SUPT3H: variants seen among roughly 807,000 people sequenced by gnomAD.
SUPT3H encodes SPT3 homolog, SAGA and STAGA complex component, also known as transcription initiation protein SPT3 homolog.
A neutral mutation model predicts 44.3 loss-of-function variants in SUPT3H; 44 were observed. That is an observed-to-expected ratio of 0.99 (90% CI 0.78 to 1.28). SUPT3H has a LOEUF of 1.28. SUPT3H is among the 50% of genes most tolerant of loss of function. The pLI is 0.00. For missense variants in SUPT3H, 380 were observed against 387.1 expected (o/e 0.98, Z 0.15); for synonymous variants, 124 against 125.6 (o/e 0.99, Z 0.09).
At chr6:45,020,688 C>T (rs1785003515) in intron 3 of SUPT3H, 56 bp from the exon 4 acceptor site, 3 of 1,262,340 alleles carry the variant, frequency 2.4e-6, no homozygotes, top group African/African-American at 1.5e-5. Context: ...ATATATAGTA[C>T]AGTCATGATG....
intron 2 of SUPT3H, among the ~76,000 whole-genome samples, chr6:45,245,982 G>A (rs1407624317): frequency 6.6e-6 from 1 of 152,024 alleles, no homozygotes; most frequent in Admixed American, 6.6e-5. Context: ...GTATGAAATG[G>A]TAACTCATTG....
chr6:45,313,263 A>C (rs1015810001), intron 2 of SUPT3H, among the ~76,000 whole-genome samples: 2 of 152,138 alleles, frequency 1.3e-5, no homozygotes, highest in African/African-American at 4.8e-5. Flanking sequence ...AACCAAACCC[A>C]GTAGAAGAAA....
intron 2 of SUPT3H, among the ~76,000 whole-genome samples, chr6:45,285,025 T>A (rs1778966267): frequency 6.6e-6 from 1 of 151,996 alleles, no homozygotes; most frequent in African/African-American, 2.4e-5. Context: ...AGAAAAGGCC[T>A]CTGAGAAAAT....
chr6:45,180,053 A>T (rs567975532), intron 2 of SUPT3H, among the ~76,000 whole-genome samples: 119 of 151,098 alleles, frequency 7.9e-4, no homozygotes, highest in African/African-American at 2.8e-3. Context: ...AAAAATCACA[A>T]GCATTCTTAT....
chr6:45,357,200 G>T (rs1581864246), intron 2 of SUPT3H, among the ~76,000 whole-genome samples: 1 of 151,914 alleles, frequency 6.6e-6, no homozygotes, highest in Non-Finnish European at 1.5e-5. Flanking sequence ...GTAGAGACGG[G>T]GTTTCACCAT....
intron 2 of SUPT3H, among the ~76,000 whole-genome samples, chr6:45,293,517 C>A (rs1025654383): frequency 1.1e-4 from 17 of 147,858 alleles, no homozygotes; most frequent in South Asian, 4.3e-4. Flanking sequence ...CTGAAACAAT[C>A]AAAAAAAAAA....
chr6:44,969,854 T>A (rs943859553), intron 6 of SUPT3H, among the ~76,000 whole-genome samples: 1 of 152,214 alleles, frequency 6.6e-6, no homozygotes, highest in Non-Finnish European at 1.5e-5. Context: ...CAATTTTACA[T>A]GTCCAAGGTA....
chr6:45,035,267 A>G (rs1332139526), intron 3 of SUPT3H, among the ~76,000 whole-genome samples: 1 of 152,158 alleles, frequency 6.6e-6, no homozygotes, highest in Non-Finnish European at 1.5e-5. Flanking sequence ...GTGCTAGGTA[A>G]CTGATGTCTC....
chr6:44,903,297 GAAGAAAA>G (rs1765418710), intron 10 of SUPT3H, among the ~76,000 whole-genome samples: 1 of 152,064 alleles, frequency 6.6e-6, no homozygotes, highest in African/African-American at 2.4e-5. Flanking sequence ...GACTAATAAA[GAAGAAAA>G]GAGAGAAGAA....
intron 2 of SUPT3H, among the ~76,000 whole-genome samples, chr6:45,226,056 G>A (rs1325126372): frequency 2.6e-5 from 4 of 152,112 alleles, no homozygotes; most frequent in African/African-American, 9.7e-5. Context: ...GTAAGAATAA[G>A]TCATACATTA....
At chr6:45,199,144 T>C (rs868546173) in intron 2 of SUPT3H, among the ~76,000 whole-genome samples, 8 of 151,238 alleles carry the variant, frequency 5.3e-5, no homozygotes, top group South Asian at 4.1e-4. Flanking sequence ...TCAAAGACAA[T>C]AAAATACACC....
In SUPT3H at chr6:44,979,542, T is replaced by TC. The variant is rs1554193309; in HGVS notation, c.505-17715_505-17714insG. Among the ~76,000 whole-genome samples the TC allele has an allele frequency of 2.7e-3, 413 of 151,726 alleles. 1 individual carries two copies. Among genetic ancestry groups the TC allele is most frequent in the East Asian group, 7.7e-3 (40 of 5,164 alleles). ...TGTGAAAGAATGAACAAAGTGTGTG[T>TC]GGGGGGGGGAAATCAATGTTCTATG... is the stretch of plus-strand genomic sequence containing the variant. On this transcript the variant is annotated intron_variant, in intron 6 of 10. Coordinates refer to ENST00000371459, the MANE Select transcript of SUPT3H (RefSeq NM_003599.4).
intron 2 of SUPT3H, among the ~76,000 whole-genome samples, chr6:45,130,362 T>G (rs1352980910): frequency 6.6e-6 from 1 of 152,232 alleles, no homozygotes; most frequent in African/African-American, 2.4e-5. Context: ...ACATCATCCC[T>G]TTTTATGTCT....
intron 6 of SUPT3H, among the ~76,000 whole-genome samples, chr6:44,963,041 C>A (rs1469112176): frequency 2.0e-5 from 3 of 151,162 alleles, no homozygotes; most frequent in Non-Finnish European, 4.4e-5. Flanking sequence ...TATATATATA[C>A]ACATATAATG....
chr6:45,108,128 T>C (rs1417123200), intron 2 of SUPT3H, among the ~76,000 whole-genome samples: 1 of 152,214 alleles, frequency 6.6e-6, no homozygotes, highest in Non-Finnish European at 1.5e-5. Flanking sequence ...TCCAATTTTG[T>C]CACTTCTATT....
chr6:45,312,479 C>T (rs1285794858), intron 2 of SUPT3H, among the ~76,000 whole-genome samples: 1 of 145,662 alleles, frequency 6.9e-6, no homozygotes, highest in Non-Finnish European at 1.5e-5. Context: ...CGTGCCACTG[C>T]ACTCCAGCCT....
rs926637975 is a variant in SUPT3H, at chr6:44,826,738, C to T, written c.*3078G>A. On this transcript the variant is annotated 3_prime_UTR_variant, in exon 11 of 11. Transcript: ENST00000371459. ...ACAAGTAAACATGTTTTCTTTCAGA[C>T]CAAGAATCACCAGTTATGTTTATTT... Among the ~76,000 whole-genome samples the T allele has an allele frequency of 3.3e-5, 5 of 152,088 alleles. No individual in the cohort carries two copies. Among genetic ancestry groups the T allele is most frequent in the Admixed American group, 1.3e-4 (2 of 15,276 alleles).
At chr6:45,251,395 GCACACACACACACACACA>G (rs70996313) in intron 2 of SUPT3H, among the ~76,000 whole-genome samples, 4 of 144,966 alleles carry the variant, frequency 2.8e-5, no homozygotes, top group African/African-American at 5.1e-5. Context: ...AAGAGAAGCT[GCACACACACACACACACA>G]CACACACACA....
intron 10 of SUPT3H, among the ~76,000 whole-genome samples, chr6:44,865,094 C>T (rs906324332): frequency 6.6e-6 from 1 of 152,182 alleles, no homozygotes; most frequent in African/African-American, 2.4e-5. Flanking sequence ...GTCTCTAGGG[C>T]AGGGGCAAAA....
Sources: gnomAD v4.1 joint callset for allele counts (sites outside exome capture counted in the v4.1 genomes callset) on GRCh38, gnomAD v4.1.1 for gene constraint, MANE v1.5 for transcripts, NCBI Gene and HGNC (gene_info 2026-07-23, HGNC 2026-07-21) for gene names.